MEGF10: variants seen among roughly 807,000 people sequenced by gnomAD.
MEGF10 encodes multiple epidermal growth factor-like domains protein 10.
Under a neutral mutation model 147.5 loss-of-function variants are expected in MEGF10, and 86 were observed. The ratio of observed to expected loss-of-function variants is 0.58; its 90% CI spans 0.49 to 0.70. MEGF10 has a LOEUF of 0.70. Ranked by LOEUF, MEGF10 falls within the 30% of genes least tolerant of loss-of-function variation. The pLI is 0.00. For synonymous variants in MEGF10, 478 were observed against 525.5 expected (o/e 0.91, Z 1.24); for missense variants, 1,329 against 1,487.3 (o/e 0.89, Z 1.75).
chr5:127,249,341 CAGAGAG>C, the MEGF10 span, among the ~76,000 whole-genome samples: 1 of 148,394 alleles, frequency 6.7e-6, no homozygotes, highest in South Asian at 2.1e-4. Flanking sequence ...TACATACACA[CAGAGAG>C]AGAGAGAGAA....
At chr5:127,348,560 G>A (rs1761978799) in intron 4 of MEGF10, among the ~76,000 whole-genome samples, 1 of 151,946 alleles carries the variant, frequency 6.6e-6, no homozygotes, top group African/African-American at 2.4e-5. Context: ...TGTGTAGGTG[G>A]GTGCATATGT....
intron 5 of MEGF10, among the ~76,000 whole-genome samples, chr5:127,370,865 A>C (rs1369837328): frequency 6.6e-6 from 1 of 152,222 alleles, no homozygotes; most frequent in Non-Finnish European, 1.5e-5. Flanking sequence ...GTAATGCGTG[A>C]AACATTACAT....
chr5:127,416,172 T>G (rs1001358099), intron 9 of MEGF10, among the ~76,000 whole-genome samples: 2 of 151,966 alleles, frequency 1.3e-5, no homozygotes, highest in Non-Finnish European at 2.9e-5. Context: ...GGACTACAGA[T>G]GCCCACCACC....
intron 13 of MEGF10, among the ~76,000 whole-genome samples, chr5:127,427,338 T>C (rs1441346046): frequency 6.6e-6 from 1 of 152,154 alleles, no homozygotes; most frequent in African/African-American, 2.4e-5. Context: ...AGGATGTGTT[T>C]ATACCAGAAT....
intron 7 of MEGF10, among the ~76,000 whole-genome samples, chr5:127,400,676 C>A (rs1032970154): frequency 6.6e-6 from 1 of 151,422 alleles, no homozygotes; most frequent in Non-Finnish European, 1.5e-5. Flanking sequence ...GTTGCCTTGC[C>A]TTGAGGCTGA....
intron 16 of MEGF10, among the ~76,000 whole-genome samples, chr5:127,436,313 A>G (rs1446241504): frequency 6.6e-6 from 1 of 152,210 alleles, no homozygotes; most frequent in Non-Finnish European, 1.5e-5. Flanking sequence ...TTGATGAGCA[A>G]TATATTTTTT....
At chr5:127,433,743 T>C (rs1765466394) in intron 14 of MEGF10, among the ~76,000 whole-genome samples, 1 of 152,242 alleles carries the variant, frequency 6.6e-6, no homozygotes, top group Admixed American at 6.5e-5. Flanking sequence ...TTCTCAATAA[T>C]TACTTCATTG....
the MEGF10 span, among the ~76,000 whole-genome samples, chr5:127,241,337 G>T: frequency 6.6e-6 from 1 of 152,166 alleles, no homozygotes; most frequent in African/African-American, 2.4e-5. Context: ...CTCCTGGCTT[G>T]CTTTGCCCTT....
intron 1 of MEGF10, among the ~76,000 whole-genome samples, chr5:127,301,226 A>G (rs999453876): frequency 6.6e-6 from 1 of 152,190 alleles, no homozygotes; most frequent in Non-Finnish European, 1.5e-5. Context: ...TTCCAGTCCC[A>G]GAACAACCTG....
chr5:127,309,403 T>A (rs1052426648), intron 1 of MEGF10, among the ~76,000 whole-genome samples: 2 of 152,212 alleles, frequency 1.3e-5, no homozygotes, highest in African/African-American at 4.8e-5. Context: ...TTTTTCATGA[T>A]CCCAAATTGA....
At chr5:127,304,513 G>A (rs1816058) in intron 1 of MEGF10, among the ~76,000 whole-genome samples, 94,241 of 151,964 alleles carry the variant, frequency 0.62, 29,475 homozygotes, top group Middle Eastern at 0.76. Context: ...TTATTTTTTG[G>A]GACAAAGTCT....
chr5:127,410,598 A>G lies in MEGF10; in HGVS notation c.1127A>G (p.His376Arg), dbSNP rs760997797. The G allele has an allele frequency of 1.2e-6, 2 of 1,601,390 alleles. No homozygotes were observed. The highest frequency in any genetic ancestry group is 1.1e-5 in the South Asian group (1 of 90,174). ...KRCPCHLENT[H>R]SCHPMSGECA... Reference sequence around the variant, plus strand: ...TGTCCCTGCCACCTGGAAAACACTCATAGGTGAGTGTCAGCTTCCCCTGGA... The same window carrying G: ...TGTCCCTGCCACCTGGAAAACACTCGTAGGTGAGTGTCAGCTTCCCCTGGA... Residue 376 changes from histidine (H) to arginine (R), a missense_variant, in exon 9 of 25, where the codon CAT (histidine) becomes CGT (arginine). This residue lies in a region of MEGF10 where 980 missense variants were observed against 1,085.9 expected (regional missense o/e 0.90). Coordinates refer to ENST00000503335, the MANE Select transcript of MEGF10 (RefSeq NM_001256545.2).
At chr5:127,350,274 T>G in intron 4 of MEGF10, among the ~76,000 whole-genome samples, 1 of 152,122 alleles carries the variant, frequency 6.6e-6, no homozygotes, top group Admixed American at 6.6e-5. Context: ...TGTCCCCACC[T>G]TTCAGCCTGC....
chr5:127,419,319 C>G (rs576107591), intron 11 of MEGF10, 79 bp downstream of exon 11: 606 of 1,520,514 alleles, frequency 4.0e-4, no homozygotes, highest in South Asian at 1.6e-3. Flanking sequence ...AAACCTTAAC[C>G]AGGGTTCTAG....
At chr5:127,401,803 T>C (rs1040906836) in intron 7 of MEGF10, among the ~76,000 whole-genome samples, 6 of 152,136 alleles carry the variant, frequency 3.9e-5, no homozygotes, top group African/African-American at 1.4e-4. Context: ...TTGGAGTAAA[T>C]ATAATGACTG....
At chr5:127,313,984 G>A (rs1446876229) in intron 1 of MEGF10, among the ~76,000 whole-genome samples, 2 of 152,168 alleles carry the variant, frequency 1.3e-5, no homozygotes, top group Admixed American at 6.5e-5. Context: ...CTGTAGGTTC[G>A]GGGAGATGCC....
At chr5:127,303,198 T>C (rs1202451247) in intron 1 of MEGF10, among the ~76,000 whole-genome samples, 1 of 151,962 alleles carries the variant, frequency 6.6e-6, no homozygotes, top group Non-Finnish European at 1.5e-5. Context: ...TAGCTGGGCA[T>C]GGTGATGTGC....
chr5:127,354,765 T>C (rs1762217223), intron 4 of MEGF10, among the ~76,000 whole-genome samples: 1 of 152,190 alleles, frequency 6.6e-6, no homozygotes, highest in African/African-American at 2.4e-5. Context: ...AGAAAAAAAT[T>C]ACCTTCCTTT....
chr5:127,248,278 A>G, the MEGF10 span, among the ~76,000 whole-genome samples: 2 of 152,140 alleles, frequency 1.3e-5, no homozygotes, highest in African/African-American at 2.4e-5. Context: ...AAGGGAGGCA[A>G]TATAATCCAA....
Sources: allele counts gnomAD v4.1 joint callset (sites outside exome capture counted in the v4.1 genomes callset), GRCh38; gene constraint gnomAD v4.1.1; regional missense constraint gnomAD v4.1.1; transcripts MANE v1.5; gene names NCBI Gene and HGNC (gene_info 2026-07-23, HGNC 2026-07-21).